DBR1: variants seen among roughly 807,000 people sequenced by gnomAD.
The protein encoded by DBR1 is lariat debranching enzyme.
A neutral mutation model predicts 45.9 loss-of-function variants in DBR1; 33 were observed. The ratio of observed to expected loss-of-function variants is 0.72; its 90% CI spans 0.55 to 0.96. DBR1 has a LOEUF of 0.96. Ranked by LOEUF, DBR1 falls within the 40% of genes least tolerant of loss-of-function variation. DBR1 has a pLI of 0.00. For missense variants in DBR1, 619 were observed against 667.4 expected (o/e 0.93, Z 0.80); for synonymous variants, 235 against 235.9 (o/e 1.00, Z 0.04).
chr3:138,173,639 A>G lies in DBR1; in HGVS notation c.198-13T>C, dbSNP rs777062957. On this transcript the variant is annotated splice_polypyrimidine_tract_variant and intron_variant, in intron 1 of 7. Coordinates refer to ENST00000260803, the MANE Select transcript of DBR1 (RefSeq NM_016216.4). ...TCCAGAGTAATACCTAGAACATAAG[A>G]GCAAAGTCAGTTACCACAATTAGGC... The G allele has an allele frequency of 2.5e-6, 4 of 1,606,704 alleles. No individual in the cohort carries two copies. The highest frequency in any genetic ancestry group is 3.4e-6 in the Non-Finnish European group (4 of 1,177,102).
chr3:138,173,049 G>T (rs997282362), intron 2 of DBR1, among the ~76,000 whole-genome samples: 1 of 147,258 alleles, frequency 6.8e-6, no homozygotes, highest in African/African-American at 2.5e-5. Flanking sequence ...TAATCTAACG[G>T]TTGGACTTGC....
chr3:138,174,576 T>C, intron 1 of DBR1, 23 bp downstream of exon 1: 1 of 1,328,298 alleles, frequency 7.5e-7, no homozygotes. Context: ...CACCGCCAAG[T>C]CCGGGCCCGG....
Position 138,162,305 on chromosome 3 carries a change from A to G in DBR1, c.1219T>C (p.Ser407Pro), listed in dbSNP as rs893968481. 3.5e-5 allele frequency: 57 copies of G among 1,614,112 alleles called. No homozygotes were observed. Among genetic ancestry groups the G allele is most frequent in the Non-Finnish European group, 4.7e-5 (56 of 1,180,052 alleles). The change falls in exon 8 of 8, where the codon TCT (serine) becomes CCT (proline). Residue 407 changes from serine (S) to proline (P), a missense_variant. This residue lies in a region of DBR1 where 182 missense variants were observed against 196.1 expected (regional missense o/e 0.93). Transcript: ENST00000260803. ...TTATATTCACTCTGGTCTTCTCCAG[A>G]GTCATTACTCTCCACATCATCCTGT... ...EEQDDVESND[S>P]GEDQSEYNTD...
At chr3:138,174,474 A>G in intron 1 of DBR1, 125 bp downstream of exon 1, 1 of 996,018 alleles carries the variant, frequency 1.0e-6, no homozygotes, top group Non-Finnish European at 1.5e-6. Flanking sequence ...CCCTGTATTC[A>G]GTTAGGCACC....
intron 3 of DBR1, among the ~76,000 whole-genome samples, chr3:138,170,962 T>G (rs1414562379): frequency 6.6e-6 from 1 of 152,228 alleles, no homozygotes; most frequent in East Asian, 1.9e-4. Flanking sequence ...ACGATACATT[T>G]ATATGAAGCT....
chr3:138,170,005 T>C (rs917340378), intron 4 of DBR1, 102 bp downstream of exon 4: 5 of 735,018 alleles, frequency 6.8e-6, no homozygotes, highest in Non-Finnish European at 9.3e-6. Flanking sequence ...AAATACAGAA[T>C]TGCTCTTCTT....
At chr3:138,166,848 A>T (rs77684827) in intron 5 of DBR1, among the ~76,000 whole-genome samples, 2,353 of 152,094 alleles carry the variant, frequency 0.015, 59 homozygotes, top group African/African-American at 0.053. Flanking sequence ...CTCTATCTTC[A>T]TCTCCCATGT....
chr3:138,173,522 G>A lies in DBR1; in HGVS notation c.302C>T (p.Ala101Val). ...CATACCTAAATAATAAATGTTTGGT[G>A]CCACCCAGCCACCATAGGGTAACTC... The part of the protein sequence containing the change: ...LQELPYGGWV[A>V]PNIYYLGLAG... The change falls in exon 2 of 8, where the codon GCA (alanine) becomes GTA (valine). Residue 101 changes from alanine to valine, a missense_variant. By Grantham distance (64) the Ala-to-Val change is moderately conservative. Coordinates refer to ENST00000260803, the MANE Select transcript of DBR1 (RefSeq NM_016216.4). 1.9e-6 allele frequency: 3 copies of A among 1,613,816 alleles called. No individual in the cohort carries two copies. Among genetic ancestry groups the A allele is most frequent in the Non-Finnish European group, 2.5e-6 (3 of 1,179,876 alleles).
At chr3:138,170,301 A>G (rs772223742) in intron 3 of DBR1, 109 bp from the exon 4 acceptor site, 28 of 668,298 alleles carry the variant, frequency 4.2e-5, no homozygotes, top group Non-Finnish European at 6.3e-5. Context: ...AATATATACG[A>G]TTTTAAAAAG....
Position 138,174,756 on chromosome 3 carries a change from C to T in DBR1, c.40G>A (p.Asp14Asn), listed in dbSNP as rs781218035. 1.6e-5 allele frequency: 26 copies of T among 1,612,292 alleles called. No homozygotes were observed. Among genetic ancestry groups the T allele is most frequent in the Middle Eastern group, 1.7e-4 (1 of 6,008 alleles). ...AVAGCCHGELDKIYETLALAE... is the reference protein window; with the variant it reads ...AVAGCCHGELNKIYETLALAE... ...AGCGCCAGCGTCTCATAGATCTTATCCAGCTCGCCGTGGCAGCAGCCAGCC... is the reference window on the plus strand; with the variant it reads ...AGCGCCAGCGTCTCATAGATCTTATTCAGCTCGCCGTGGCAGCAGCCAGCC... Residue 14 changes from aspartate to asparagine, a missense_variant, in exon 1 of 8, where the codon GAT becomes AAT. Transcript: ENST00000260803.
At chr3:138,163,295 A>G (rs2042915919) in intron 7 of DBR1, 54 bp downstream of exon 7, 4 of 1,577,910 alleles carry the variant, frequency 2.5e-6, no homozygotes, top group African/African-American at 2.7e-5. Context: ...GGTGGGAGAT[A>G]TAAAAATTAT....
At position 138,162,574 on chromosome 3, in the gene DBR1, T is replaced by C. The variant is rs2042913314; in HGVS notation, c.950A>G (p.Tyr317Cys). The change falls in exon 8 of 8, where the codon TAT becomes TGT. Residue 317 changes from tyrosine (Y) to cysteine (C), a missense_variant. By Grantham distance (194) the Tyr-to-Cys change is radical. Coordinates refer to ENST00000260803, the MANE Select transcript of DBR1 (RefSeq NM_016216.4). ...ENNGLHARWDYSATEEGMKEV... is the reference protein window; with the variant it reads ...ENNGLHARWDCSATEEGMKEV... ...TTTCATACCTTCTTCTGTTGCACTATAATCCCACCTATAAAAGTACAAAAC... is the reference window on the plus strand; with the variant it reads ...TTTCATACCTTCTTCTGTTGCACTACAATCCCACCTATAAAAGTACAAAAC... 1 of 1,607,006 alleles carries C rather than the reference T, an allele frequency of 6.2e-7. No homozygotes were observed. The highest frequency in any genetic ancestry group is 1.1e-5 in the South Asian group (1 of 90,988).
Position 138,162,127 on chromosome 3 carries a change from G to C in DBR1, c.1397C>G (p.Ser466Cys), listed in dbSNP as rs1377219993. The stretch of plus-strand genomic sequence containing the variant: ...AGAGCCTGGCAAGATCCTGACATCA[G>C]AGAAACTTGCAGAAAACTCAGAAGC... Reference protein sequence around the residue: ...DQASEFSASFSDVRILPGSMI... With the variant: ...DQASEFSASFCDVRILPGSMI... Residue 466 changes from serine (S) to cysteine (C), a missense_variant, in exon 8 of 8, where the codon TCT (serine) becomes TGT (cysteine). This residue lies in a region of DBR1 where 182 missense variants were observed against 196.1 expected (regional missense o/e 0.93). Coordinates refer to ENST00000260803, the MANE Select transcript of DBR1 (RefSeq NM_016216.4). The C allele has an allele frequency of 3.1e-6, 5 of 1,614,060 alleles. No individual in the cohort carries two copies. In the East Asian group the frequency reaches 1.1e-4, roughly 36 times the overall value.
intron 2 of DBR1, among the ~76,000 whole-genome samples, chr3:138,172,766 C>T (rs950797414): frequency 6.6e-6 from 1 of 152,146 alleles, no homozygotes; most frequent in Non-Finnish European, 1.5e-5. Flanking sequence ...CTGTTTTCTT[C>T]AGCAAGTAAA....
Position 138,172,317 on chromosome 3 carries a change from C to T in DBR1, c.323-604G>A, listed in dbSNP as rs2042958857. Among the ~76,000 whole-genome samples, 3 of 152,306 alleles carry T rather than the reference C, an allele frequency of 2.0e-5. No individual in the cohort carries two copies. The South Asian group carries it at 6.2e-4, about 32-fold the overall frequency. On this transcript the variant is annotated intron_variant, in intron 2 of 7. Transcript: ENST00000260803. ...AAAGGGATGAAGCTGGGTGCGGTGG[C>T]TCATCCCTGTAATCCCACCACTTTG...
chr3:138,163,749 A>G (rs199674725), intron 6 of DBR1, 29 bp downstream of exon 6: 24 of 1,530,410 alleles, frequency 1.6e-5, no homozygotes, highest in East Asian at 1.4e-4. Context: ...GAGTACAACT[A>G]TATTATAAAG....
intron 3 of DBR1, 53 bp downstream of exon 3, chr3:138,171,577 AACT>A: frequency 8.6e-7 from 1 of 1,163,684 alleles, no homozygotes; most frequent in Non-Finnish European, 1.3e-6. Context: ...TATCATGCTT[AACT>A]TACTCTGGGG....
intron 1 of DBR1, 147 bp from the exon 2 acceptor site, chr3:138,173,773 C>G: frequency 3.6e-6 from 3 of 827,256 alleles, no homozygotes; most frequent in Non-Finnish European, 5.4e-6. Flanking sequence ...GCGGTGGCTC[C>G]CTCCTGTAAT....
chr3:138,166,313 C>T (rs751572280), intron 5 of DBR1, among the ~76,000 whole-genome samples: 1 of 152,170 alleles, frequency 6.6e-6, no homozygotes, highest in Non-Finnish European at 1.5e-5. Flanking sequence ...TTTCTACCTT[C>T]CATCAAGTAC....
Sources: gnomAD v4.1 joint callset for allele counts (sites outside exome capture counted in the v4.1 genomes callset) on GRCh38, gnomAD v4.1.1 for gene constraint, gnomAD v4.1.1 regional missense constraint, MANE v1.5 for transcripts, NCBI Gene and HGNC (gene_info 2026-07-23, HGNC 2026-07-21) for gene names.